RGPD4: variants seen among roughly 807,000 people sequenced by gnomAD.
RGPD4 encodes the protein ranBP2-like and GRIP domain-containing protein 4.
RGPD4 carries 84 observed loss-of-function variants against 141.1 expected under a neutral mutation model. The observed-to-expected ratio is 0.60, with a 90% CI of 0.50 to 0.71. The LOEUF (loss-of-function observed/expected upper bound fraction) is 0.71. RGPD4 is among the 30% of genes least tolerant of loss of function. RGPD4 has a pLI of 0.00. For missense variants in RGPD4, 918 were observed against 1,622.4 expected (o/e 0.57, Z 7.46); for synonymous variants, 298 against 566.8 (o/e 0.53, Z 6.74).
intron 6 of RGPD4, among the ~76,000 whole-genome samples, chr2:107,847,876 A>G (rs1682010141): frequency 1.6e-5 from 2 of 123,534 alleles, no homozygotes; most frequent in African/African-American, 3.2e-5. Flanking sequence ...AATGATCTAT[A>G]TAGTAAAAAG....
chr2:107,837,188 CTTTTTT>C (rs71225100), intron 2 of RGPD4, among the ~76,000 whole-genome samples: 2 of 41,884 alleles, frequency 4.8e-5, no homozygotes, highest in African/African-American at 1.6e-4. Context: ...GGGAGGCAGG[CTTTTTT>C]TTTTTTTTTT....
Position 107,870,852 on chromosome 2 carries a change from C to A in RGPD4, c.2848C>A (p.Gln950Lys), listed in dbSNP as rs1340111441. The change falls in exon 20 of 23, where the codon CAG becomes AAG. Residue 950 changes from glutamine to lysine, a missense_variant. Transcript: ENST00000408999. The part of the protein sequence containing the change: ...PLENDTGFQA[Q>K]DISGQKNGRG... ...TGAAAATGATACTGGCTTCCAGGCT[C>A]AGGATATTAGTGGCCAGAAGAATGG... The A allele has an allele frequency of 1.9e-6, 3 of 1,610,482 alleles. No homozygotes were observed. Among genetic ancestry groups the A allele is most frequent in the Middle Eastern group, 2.3e-4 (1 of 4,422 alleles).
chr2:107,887,024 C>T (rs939432647), intron 22 of RGPD4, among the ~76,000 whole-genome samples: 25 of 149,220 alleles, frequency 1.7e-4, no homozygotes, highest in African/African-American at 5.7e-4. Context: ...AGGAGGATTG[C>T]TTGAGAACAG....
At chr2:107,857,975 C>A (rs1036064124) in intron 9 of RGPD4, among the ~76,000 whole-genome samples, 2 of 152,006 alleles carry the variant, frequency 1.3e-5, no homozygotes, top group African/African-American at 4.8e-5. Context: ...GGCGACAGAG[C>A]GAGACTTCGT....
At chr2:107,830,687 A>G (rs934760146) in intron 1 of RGPD4, among the ~76,000 whole-genome samples, 6 of 152,034 alleles carry the variant, frequency 3.9e-5, no homozygotes, top group Admixed American at 2.6e-4. Flanking sequence ...TGCTTTGGAT[A>G]GAAGGTAAAG....
intron 1 of RGPD4, among the ~76,000 whole-genome samples, chr2:107,831,313 C>T (rs1342603165): frequency 1.1e-4 from 16 of 148,530 alleles, no homozygotes; most frequent in African/African-American, 2.2e-4. Flanking sequence ...TCAAAGTCTA[C>T]TTGACAGCTC....
chr2:107,882,424 C>A (rs1443365696), intron 21 of RGPD4, among the ~76,000 whole-genome samples: 2 of 151,626 alleles, frequency 1.3e-5, no homozygotes, highest in Non-Finnish European at 2.9e-5. Flanking sequence ...TAGGCAAATG[C>A]AGCTTTGAAA....
chr2:107,827,601 C>T (rs868495706), intron 1 of RGPD4, among the ~76,000 whole-genome samples: 2 of 45,194 alleles, frequency 4.4e-5, no homozygotes, highest in South Asian at 9.0e-4. Context: ...CGACCTGGCC[C>T]GGCGGCGGCC....
intron 22 of RGPD4, among the ~76,000 whole-genome samples, chr2:107,886,027 C>T (rs191350495): frequency 6.1e-5 from 9 of 147,426 alleles, no homozygotes; most frequent in Non-Finnish European, 8.9e-5. Context: ...CACTCCAGCC[C>T]GAGCAACAAG....
At chr2:107,878,633 G>A (rs1444905752) in intron 20 of RGPD4, among the ~76,000 whole-genome samples, 1 of 132,330 alleles carries the variant, frequency 7.6e-6, no homozygotes, top group Non-Finnish European at 1.6e-5. Flanking sequence ...TTCTCTAGAG[G>A]GACAGAGCTA....
In RGPD4 at chr2:107,880,099, C is replaced by T; in HGVS notation, c.5056C>T (p.Gln1686Ter). ...AEATSAVLME[Q>*]IKLLKSEIRR... ...GGCAACCAGTGCAGTCCTTATGGAGCAAATTAAGGTGAGATCAGAAAACCT... is the reference window on the plus strand; with the variant it reads ...GGCAACCAGTGCAGTCCTTATGGAGTAAATTAAGGTGAGATCAGAAAACCT... Residue 1686 changes from glutamine to a stop codon, truncating the protein, a stop_gained, in exon 21 of 23, where the codon CAA (glutamine) becomes TAA (stop). Coordinates refer to ENST00000408999, the MANE Select transcript of RGPD4 (RefSeq NM_182588.3). LOFTEE classifies it high-confidence loss of function. 1 of 1,611,328 alleles carries T rather than the reference C, an allele frequency of 6.2e-7. No homozygotes were observed. Among genetic ancestry groups the T allele is most frequent in the Middle Eastern group, 2.3e-4 (1 of 4,430 alleles).
intron 20 of RGPD4, among the ~76,000 whole-genome samples, chr2:107,878,494 C>T (rs1683158016): frequency 6.6e-6 from 1 of 151,690 alleles, no homozygotes; most frequent in Admixed American, 6.6e-5. Context: ...TGGTCTGTTA[C>T]TCTGTCTAAA....
chr2:107,880,015 A>T lies in RGPD4; in HGVS notation c.4972A>T (p.Lys1658Ter). 6.2e-7 allele frequency: 1 copy of T among 1,611,432 alleles called. No homozygotes were observed. The highest frequency in any genetic ancestry group is 8.5e-7 in the Non-Finnish European group (1 of 1,179,822). Residue 1658 changes from lysine (K) to a stop codon, truncating the protein, a stop_gained, in exon 21 of 23, where the codon AAG (lysine) becomes TAG (stop). Transcript: ENST00000408999. LOFTEE classifies it high-confidence loss of function. ...ATTTACCAAAGAAGAATTGGTTCAG[A>T]AGCTCAGTTCCACCACAAAAAGTGC... The part of the protein sequence containing the change: ...AEFTKEELVQ[K>*]LSSTTKSADH...
Position 107,829,767 on chromosome 2 carries a change from G to T in RGPD4, c.72+2682G>T, listed in dbSNP as rs188628680. The stretch of plus-strand genomic sequence containing the variant: ...GTTCCCGACGCTTGTTCCCGACGGT[G>T]CTCGCTCCTGGGCCCGTCCTGGCCC... On this transcript the variant is annotated intron_variant, in intron 1 of 22. Transcript: ENST00000408999. 8.7e-3 allele frequency among the ~76,000 whole-genome samples: 1,330 copies of T among 152,128 alleles called. 14 individuals are homozygous for T. The highest frequency in any genetic ancestry group is 0.03 in the African/African-American group (1,251 of 41,478).
In RGPD4 at chr2:107,890,736, C is replaced by A. The variant is rs1432708498; in HGVS notation, c.*5C>A. The stretch of plus-strand genomic sequence containing the variant: ...CTTTCCAAAGGTGAGGAATAAAATG[C>A]TTCCCGTTCTTCTGGATGGGCATCC... On this transcript the variant is annotated 3_prime_UTR_variant, in exon 23 of 23. Transcript: ENST00000408999. 1 of 1,602,166 alleles carries A rather than the reference C, an allele frequency of 6.2e-7. No individual in the cohort carries two copies. The highest frequency in any genetic ancestry group is 1.4e-5 in the African/African-American group (1 of 73,610).
chr2:107,871,765 T>G lies in RGPD4; in HGVS notation c.3761T>G (p.Leu1254Ter). The change falls in exon 20 of 23, where the codon TTA becomes TGA. Residue 1254 changes from leucine to a stop codon, truncating the protein, a stop_gained. Transcript: ENST00000408999. LOFTEE classifies it high-confidence loss of function. Reference protein sequence around the residue: ...GPTLEWDNCDLREDALDDSVS... With the variant: ...GPTLEWDNCD ...ACATTAGAATGGGATAACTGTGATT[T>G]AAGGGAAGATGCTTTGGATGATAGT... is the stretch of plus-strand genomic sequence containing the variant. The G allele has an allele frequency of 6.2e-7, 1 of 1,611,416 alleles. No individual in the cohort carries two copies. The highest frequency in any genetic ancestry group is 8.5e-7 in the Non-Finnish European group (1 of 1,179,850).
chr2:107,844,830 GTTTTTTT>G (rs1222283120), intron 6 of RGPD4, among the ~76,000 whole-genome samples: 28 of 26,150 alleles, frequency 1.1e-3, no homozygotes, highest in African/African-American at 3.8e-3. Flanking sequence ...TTTCTTTTTT[GTTTTTTT>G]TTTTTTTTTT....
Position 107,872,743 on chromosome 2 carries a change from G to T in RGPD4, c.4739G>T (p.Ser1580Ile), listed in dbSNP as rs532345916. The change falls in exon 20 of 23, where the codon AGT (serine) becomes ATT (isoleucine). Residue 1580 changes from serine (S) to isoleucine (I), a missense_variant. Ser to Ile is a moderately radical substitution (Grantham distance 142). Transcript: ENST00000408999. ...FGFSFNASLK[S>I]NNSETSSVAQ... Reference sequence around the variant, plus strand: ...TTTAGTTTTAATGCATCTTTGAAAAGTAACAACAGTGAAACTAGTTCAGTA... The same window carrying T: ...TTTAGTTTTAATGCATCTTTGAAAATTAACAACAGTGAAACTAGTTCAGTA... 46 of 1,611,646 alleles carry T rather than the reference G, an allele frequency of 2.9e-5. No individual in the cohort carries two copies. Among genetic ancestry groups the T allele is most frequent in the Non-Finnish European group, 5.9e-6 (7 of 1,179,864 alleles).
chr2:107,878,326 T>C (rs967688384), intron 20 of RGPD4, among the ~76,000 whole-genome samples: 8 of 151,166 alleles, frequency 5.3e-5, no homozygotes, highest in African/African-American at 2.0e-4. Flanking sequence ...TGAAGAACCT[T>C]CGAGAAAGGA....
Sources: allele counts gnomAD v4.1 joint callset (sites outside exome capture counted in the v4.1 genomes callset), GRCh38; gene constraint gnomAD v4.1.1; transcripts MANE v1.5; gene names NCBI Gene and HGNC (gene_info 2026-07-23, HGNC 2026-07-21).